The following GSN variants were observed in gnomAD, a reference collection of about 807,000 sequenced individuals.
The protein encoded by GSN is gelsolin, also known as actin-depolymerizing factor.
In GSN, 56 loss-of-function variants were observed where a neutral mutation model predicts 85.7. That is an observed-to-expected ratio of 0.65 (90% confidence interval 0.53 to 0.82). GSN has a LOEUF of 0.82. GSN is among the 40% of genes least tolerant of loss of function. The pLI, the probability that GSN is intolerant of heterozygous loss-of-function variation, is 0.00. For missense variants in GSN, 857 were observed against 979.8 expected, an observed-to-expected ratio of 0.87 and a Z score of 1.67; for synonymous variants, 373 against 399.1, an observed-to-expected ratio of 0.93 and a Z score of 0.78.
chr9:121,331,066 G>C (rs967988598), intron 16 of GSN, among the ~76,000 whole-genome samples: 2 of 152,174 alleles, frequency 1.3e-5, no homozygotes, highest in African/African-American at 4.8e-5. Flanking sequence ...CTCCTGCGCA[G>C]CTTGACTCAA....
intron 4 of GSN, chr9:121,222,928 G>C (rs1310777073): frequency 6.6e-6 from 1 of 152,210 alleles, no homozygotes; most frequent in Non-Finnish European, 1.5e-5. Flanking sequence ...ATGCTGGCAG[G>C]GTTGCGTTAC....
chr9:121,228,403 C>CACATATATATATATATATATATATATAT, intron 4 of GSN, among the ~76,000 whole-genome samples: 1 of 63,198 alleles, frequency 1.6e-5, no homozygotes. Flanking sequence ...CATTGATTAA[C>CACATATATATATATATATATATATATAT]ATATATATAT....
In GSN at chr9:121,281,256, C is replaced by T. The variant is rs148537770; in HGVS notation, c.-102-214C>T. The T allele has an allele frequency of 8.0e-3, 1,890 of 235,264 alleles. 22 individuals are homozygous for T. Among genetic ancestry groups the T allele is most frequent in the Non-Finnish European group, 0.012 (1,418 of 117,154 alleles). 14.6% of individuals were successfully genotyped at this position (235,264 alleles called of 1,614,324 possible). A position where few individuals can be genotyped will look rare whatever the true frequency, so the allele number is the denominator to read the frequency against. ...GCATAAGAAGAGAGAGATTTTAGTG[C>T]ATCCTTAGGACAATTCTTTTACGCA... On this transcript the variant is annotated intron_variant, in intron 1 of 17. Coordinates refer to ENST00000432226, the MANE Select transcript of GSN (RefSeq NM_198252.3).
At chr9:121,306,363 G>A (rs1426509814) in intron 4 of GSN, among the ~76,000 whole-genome samples, 4 of 152,170 alleles carry the variant, frequency 2.6e-5, no homozygotes, top group Admixed American at 2.0e-4. Context: ...TTTAACTTTT[G>A]TTTTCATGTA....
chr9:121,332,312 A>T lies in GSN; in HGVS notation c.2027-122A>T, dbSNP rs7039494. ...ATGGTGCCCAGGGCAGGGGGTGGGC[A>T]GTAGGGACAGTAGGACCATAGACCC... On this transcript the variant is annotated intron_variant, in intron 17 of 17. Coordinates refer to ENST00000432226, the MANE Select transcript of GSN (RefSeq NM_198252.3). The surrounding 1 kb of genome is among the most constrained non-coding windows in gnomAD (Gnocchi z 4.8). 0.16 allele frequency: 146,828 copies of T among 906,988 alleles called. 12,606 individuals carry two copies. Among genetic ancestry groups the T allele is most frequent in the Middle Eastern group, 0.24 (1,092 of 4,528 alleles). The allele number at this position is 906,988 out of a possible 1,614,324, so 56.2% of individuals were successfully genotyped here.
chr9:121,222,960 T>C (rs1388605396), intron 4 of GSN: 1 of 152,158 alleles, frequency 6.6e-6, no homozygotes, highest in Non-Finnish European at 1.5e-5. Context: ...TTCTTCCCTT[T>C]GGGTGCGTTG....
Position 121,216,455 on chromosome 9 carries a change from T to C in GSN, c.-528+5588T>C, listed in dbSNP as rs561277754. Among the ~76,000 whole-genome samples, 192 of 152,348 alleles carry C rather than the reference T, an allele frequency of 1.3e-3. 1 individual carries two copies. Among genetic ancestry groups the C allele is most frequent in the African/African-American group, 4.4e-3 (182 of 41,570 alleles). ...CTCAGGGAAAACATTGCTGCTTTAATCTGACACAGGACAGACATTCACTGG... is the reference window on the plus strand; with the variant it reads ...CTCAGGGAAAACATTGCTGCTTTAACCTGACACAGGACAGACATTCACTGG... On this transcript the variant is annotated intron_variant, in intron 4 of 24. Transcript: ENST00000373823.
At chr9:121,209,830 T>C (rs958490787) in intron 2 of GSN, among the ~76,000 whole-genome samples, 3 of 152,212 alleles carry the variant, frequency 2.0e-5, no homozygotes, top group Non-Finnish European at 2.9e-5. Context: ...TTATCTGCTA[T>C]CATAGAATTC....
upstream of GSN, among the ~76,000 whole-genome samples, chr9:121,263,589 T>C (rs1288367062): frequency 6.6e-6 from 1 of 151,820 alleles, no homozygotes; most frequent in Non-Finnish European, 1.5e-5. Flanking sequence ...TGCCAAACAC[T>C]CCTAAAAGAA....
intron 2 of GSN, among the ~76,000 whole-genome samples, chr9:121,296,938 G>C (rs926080404): frequency 1.3e-5 from 2 of 152,212 alleles, no homozygotes; most frequent in African/African-American, 4.8e-5. Context: ...TCATTAACGT[G>C]GTCCCTGGGT....
intron 1 of GSN, among the ~76,000 whole-genome samples, chr9:121,276,629 A>G (rs2132485640): frequency 6.6e-6 from 1 of 152,310 alleles, no homozygotes; most frequent in East Asian, 1.9e-4. Flanking sequence ...CTCTCACTTC[A>G]TGGCTACAGA....
chr9:121,317,088 C>T lies in GSN; in HGVS notation c.756C>T (p.Val252=). 2 of 1,614,166 alleles carry T rather than the reference C, an allele frequency of 1.2e-6. No homozygotes were observed. The highest frequency in any genetic ancestry group is 1.7e-6 in the Non-Finnish European group (2 of 1,180,020). The change falls in exon 8 of 18, where the codon GTC becomes GTT. Residue 252 remains valine (V), a splice_region_variant and synonymous_variant. Coordinates refer to ENST00000432226, the MANE Select transcript of GSN (RefSeq NM_198252.3). ...TTCCTTCTGCTTCGTCCCCTCAGGT[C>T]TCCAATGGTGCAGGGACCATGTCCG... The part of the protein sequence containing the change: ...ANRKLAKLYK[V]SNGAGTMSVS...
chr9:121,239,000 G>T, intron 5 of GSN: 1 of 513,278 alleles, frequency 1.9e-6, no homozygotes, highest in Non-Finnish European at 3.9e-6. Flanking sequence ...TCTCTCTTGT[G>T]TAGCTGTCTG....
chr9:121,273,523 A>G (rs2056272372), intron 1 of GSN, among the ~76,000 whole-genome samples: 1 of 152,186 alleles, frequency 6.6e-6, no homozygotes, highest in African/African-American at 2.4e-5. Context: ...AGGAAATAAA[A>G]AAGTATATAT....
At chr9:121,316,436 C>T (rs2061708104) in intron 7 of GSN, among the ~76,000 whole-genome samples, 1 of 152,104 alleles carries the variant, frequency 6.6e-6, no homozygotes, top group African/African-American at 2.4e-5. Context: ...TTGCATTTAG[C>T]TCTTTTTACT....
In GSN at chr9:121,299,029, T is replaced by G. The variant is rs1048527043; in HGVS notation, c.-9-2934T>G. On this transcript the variant is annotated intron_variant, in intron 2 of 17. Coordinates refer to ENST00000432226, the MANE Select transcript of GSN (RefSeq NM_198252.3). This position sits in a 1 kb window ranked among gnomAD's most constrained non-coding sequence, Gnocchi z 4.2. Reference sequence around the variant, plus strand: ...AGTAACAAGGGCTTGCTTAGAGACATGACGGTAAACCCTGAACCATCAGCT... The same window carrying G: ...AGTAACAAGGGCTTGCTTAGAGACAGGACGGTAAACCCTGAACCATCAGCT... Among the ~76,000 whole-genome samples the G allele has an allele frequency of 2.0e-5, 3 of 152,200 alleles. No homozygotes were observed. The highest frequency in any genetic ancestry group is 4.4e-5 in the Non-Finnish European group (3 of 68,036).
intron 5 of GSN, chr9:121,239,421 C>A: frequency 2.4e-6 from 1 of 420,046 alleles, no homozygotes; most frequent in Non-Finnish European, 4.6e-6. Flanking sequence ...AGGCAGTTTC[C>A]ATGTTTACAT....
At chr9:121,247,313 C>G (rs1482059718) in intron 5 of GSN, among the ~76,000 whole-genome samples, 1 of 152,146 alleles carries the variant, frequency 6.6e-6, no homozygotes, top group Non-Finnish European at 1.5e-5. Flanking sequence ...TACTCCCACG[C>G]AAGGGAGCCC....
chr9:121,329,252 T>C lies in GSN; in HGVS notation c.1902T>C (p.Pro634=). 1 of 1,611,566 alleles carries C rather than the reference T, an allele frequency of 6.2e-7. No individual in the cohort carries two copies. ...TTCCTTCCCAGATCGAAGAGGTTCC[T>C]GGTGAGCTCATGCAGGAAGACCTGG... ...KIGRFVIEEV[P]GELMQEDLAT... is the part of the protein sequence containing the mutation. The change falls in exon 16 of 18, where the codon CCT becomes CCC. Residue 634 remains proline (P), a synonymous_variant. Transcript: ENST00000432226. This position sits in a 1 kb window ranked among gnomAD's most constrained non-coding sequence, Gnocchi z 4.6.
Sources: allele counts gnomAD v4.1 joint callset (sites outside exome capture counted in the v4.1 genomes callset), GRCh38; gene constraint gnomAD v4.1.1; non-coding constraint Gnocchi (gnomAD v3.1); transcripts MANE v1.5; gene names NCBI Gene and HGNC (gene_info 2026-07-23, HGNC 2026-07-21).